SPATA31H1: variants seen among roughly 807,000 people sequenced by gnomAD.
SPATA31H1 encodes spermatogenesis-associated protein 31H1.
chr2:27,550,023 T>C, the SPATA31H1 span, among the ~76,000 whole-genome samples: 1 of 152,014 alleles, frequency 6.6e-6, no homozygotes, highest in Non-Finnish European at 1.5e-5. Context: ...ATTGACTTTC[T>C]ACCTAGAGAC....
At chr2:27,566,208 T>A in the SPATA31H1 span, 1 of 709,650 alleles carries the variant, frequency 1.4e-6, no homozygotes, top group African/African-American at 1.8e-5. Flanking sequence ...TTCTCCTTTC[T>A]AAGTTAAATC....
the SPATA31H1 span, among the ~76,000 whole-genome samples, chr2:27,565,713 TC>T: frequency 2.0e-5 from 3 of 151,760 alleles, no homozygotes; most frequent in Non-Finnish European, 4.4e-5. Context: ...CCCTATCTTT[TC>T]CCCCCCACCA....
At chr2:27,566,110 C>T in the SPATA31H1 span, 1 of 717,368 alleles carries the variant, frequency 1.4e-6, no homozygotes, top group Non-Finnish European at 2.6e-6. Context: ...TGAGTAAAGC[C>T]TGTCTTCAGC....
chr2:27,545,270 G>A, the SPATA31H1 span, among the ~76,000 whole-genome samples: 3 of 151,814 alleles, frequency 2.0e-5, no homozygotes, highest in African/African-American at 4.9e-5. Context: ...TGATCTGCCC[G>A]CCTTGGCCTC....
At chr2:27,570,305 A>G in the SPATA31H1 span, 2 of 398,874 alleles carry the variant, frequency 5.0e-6, no homozygotes, top group Non-Finnish European at 8.9e-6. Context: ...ACAGCATGAA[A>G]TCTGCGAAAT....
chr2:27,556,800 C>T, the SPATA31H1 span, among the ~76,000 whole-genome samples: 62 of 123,852 alleles, frequency 5.0e-4, no homozygotes, highest in Non-Finnish European at 8.4e-4. Context: ...GGAAGGTCAG[C>T]AGATAAACAA....
the SPATA31H1 span, among the ~76,000 whole-genome samples, chr2:27,564,501 C>T: frequency 1.3e-5 from 2 of 152,078 alleles, no homozygotes; most frequent in South Asian, 4.2e-4. Context: ...TACTCTTTTT[C>T]GAGGAACTTA....
the SPATA31H1 span, among the ~76,000 whole-genome samples, chr2:27,541,754 G>T: frequency 1.3e-5 from 2 of 151,894 alleles, no homozygotes; most frequent in South Asian, 4.2e-4. Flanking sequence ...GTTCAATATG[G>T]TATCTGCTAA....
chr2:27,561,761 G>C, the SPATA31H1 span, among the ~76,000 whole-genome samples: 2 of 152,100 alleles, frequency 1.3e-5, no homozygotes, highest in Admixed American at 6.5e-5. Context: ...GAGTGCAGTG[G>C]TGTGATCTCA....
At chr2:27,577,302 C>G in the SPATA31H1 span, 438 of 1,613,890 alleles carry the variant, frequency 2.7e-4, 3 homozygotes, top group Admixed American at 7.2e-3. This position sits in a 1 kb window ranked among gnomAD's most constrained non-coding sequence, Gnocchi z 4.5. Context: ...GTCACGGCCC[C>G]GAGTTAAGGA....
At chr2:27,578,267 T>G in the SPATA31H1 span, 1 of 1,614,194 alleles carries the variant, frequency 6.2e-7, no homozygotes, top group Middle Eastern at 1.6e-4. Context: ...ATGTGAAATC[T>G]ACAAAATTAA....
the SPATA31H1 span, among the ~76,000 whole-genome samples, chr2:27,539,329 T>C: frequency 6.8e-6 from 1 of 146,746 alleles, no homozygotes; most frequent in Non-Finnish European, 1.5e-5. Flanking sequence ...TTAACGAGCA[T>C]GCTGCCTTCA....
chr2:27,576,512 G>A, the SPATA31H1 span: 13 of 1,322,896 alleles, frequency 9.8e-6, no homozygotes, highest in African/African-American at 1.6e-4. Context: ...CATGCTTTGG[G>A]TCACAATGCG....
the SPATA31H1 span, among the ~76,000 whole-genome samples, chr2:27,544,639 A>G: frequency 2.0e-5 from 3 of 147,538 alleles, no homozygotes; most frequent in African/African-American, 5.0e-5. Flanking sequence ...GATTCAAGCG[A>G]TTCTCTTGGC....
chr2:27,543,055 T>G, the SPATA31H1 span, among the ~76,000 whole-genome samples: 40 of 152,080 alleles, frequency 2.6e-4, 1 homozygote, highest in African/African-American at 9.4e-4. Context: ...ATCGTCCCAC[T>G]GCACTGCACT....
the SPATA31H1 span, chr2:27,572,084 G>A: frequency 1.3e-5 from 5 of 398,378 alleles, no homozygotes; most frequent in South Asian, 1.3e-4. Flanking sequence ...GTATAAAATC[G>A]GTAGACCTCA....
chr2:27,581,180 C>T, the SPATA31H1 span: 4 of 1,614,254 alleles, frequency 2.5e-6, no homozygotes, highest in Non-Finnish European at 3.4e-6. Context: ...AACTCACACA[C>T]AAGGAGCATA....
chr2:27,575,990 G>C, the SPATA31H1 span: 1 of 398,750 alleles, frequency 2.5e-6, no homozygotes, highest in Non-Finnish European at 4.4e-6. The surrounding 1 kb of genome is among the most constrained non-coding windows in gnomAD (Gnocchi z 4.1). Context: ...TACCACATTT[G>C]CAAGGTTTAA....
chr2:27,564,444 C>G, the SPATA31H1 span, among the ~76,000 whole-genome samples: 1 of 152,180 alleles, frequency 6.6e-6, no homozygotes, highest in African/African-American at 2.4e-5. Flanking sequence ...ATTTTCTACT[C>G]ATGTTTTTCA....
Sources: gnomAD v4.1 joint callset for allele counts (sites outside exome capture counted in the v4.1 genomes callset) on GRCh38, gnomAD v4.1.1 for gene constraint, Gnocchi (gnomAD v3.1) non-coding constraint, MANE v1.5 for transcripts, NCBI Gene and HGNC (gene_info 2026-07-23, HGNC 2026-07-21) for gene names.